CDH2: variants seen among roughly 807,000 people sequenced by gnomAD.
CDH2 encodes cadherin 2.
In CDH2, 17 loss-of-function variants were observed where a neutral mutation model predicts 92.0. The observed-to-expected ratio is 0.18, with a 90% CI of 0.13 to 0.28. CDH2 has a LOEUF of 0.28. Ranked by LOEUF, CDH2 falls within the 10% of genes least tolerant of loss-of-function variation. The pLI is 1.00. For synonymous variants in CDH2, 419 were observed against 415.9 expected, an observed-to-expected ratio of 1.01 and a Z score of -0.09; for missense variants, 862 against 1,133.1, an observed-to-expected ratio of 0.76 and a Z score of 3.44.
chr18:28,014,944 G>A (rs573209014), intron 2 of CDH2, among the ~76,000 whole-genome samples: 158 of 151,952 alleles, frequency 1.0e-3, no homozygotes, highest in Admixed American at 1.7e-3. Context: ...CAAGTAAAGG[G>A]ATCAAATAAA....
chr18:28,027,683 T>C (rs2144074861), intron 2 of CDH2, among the ~76,000 whole-genome samples: 1 of 152,282 alleles, frequency 6.6e-6, no homozygotes, highest in South Asian at 2.1e-4. Flanking sequence ...TTCTCCCTTG[T>C]ATACATTCTA....
chr18:27,962,767 T>C (rs985739132), intron 15 of CDH2, among the ~76,000 whole-genome samples: 1 of 152,238 alleles, frequency 6.6e-6, no homozygotes, highest in Non-Finnish European at 1.5e-5. Flanking sequence ...AATGTCATAA[T>C]AATTTTGACA....
At chr18:28,047,980 G>A (rs2014115095) in intron 2 of CDH2, among the ~76,000 whole-genome samples, 1 of 151,952 alleles carries the variant, frequency 6.6e-6, no homozygotes. Flanking sequence ...AAAAGGGAGG[G>A]GAGCTACAGT....
chr18:28,064,665 TA>T (rs34869452), intron 2 of CDH2, among the ~76,000 whole-genome samples: 3,265 of 139,026 alleles, frequency 0.023, 49 homozygotes, highest in African/African-American at 0.028. Context: ...AAGCCCCAAT[TA>T]AAAAAAAAAA....
chr18:28,124,839 G>C (rs1442485608), intron 2 of CDH2, among the ~76,000 whole-genome samples: 1 of 152,172 alleles, frequency 6.6e-6, no homozygotes, highest in Non-Finnish European at 1.5e-5. Context: ...TCAGCAAGTT[G>C]CTATGCCTCT....
At chr18:28,132,321 C>T (rs528826449) in intron 2 of CDH2, among the ~76,000 whole-genome samples, 3 of 152,336 alleles carry the variant, frequency 2.0e-5, no homozygotes, top group Admixed American at 6.5e-5. Context: ...ATAGGAAAAG[C>T]TTCTGGATTA....
chr18:27,976,015 T>G (rs1228519907), intron 14 of CDH2, among the ~76,000 whole-genome samples: 1 of 152,046 alleles, frequency 6.6e-6, no homozygotes, highest in Admixed American at 6.6e-5. Context: ...AGGGACAGAA[T>G]CGGGGGCAGG....
At chr18:27,940,693 G>A (rs1237758799) in intron 6 of CDH2, among the ~76,000 whole-genome samples, 1 of 152,148 alleles carries the variant, frequency 6.6e-6, no homozygotes, top group Non-Finnish European at 1.5e-5. Flanking sequence ...TAGAGGACTA[G>A]TCACGTGAGA....
intron 2 of CDH2, among the ~76,000 whole-genome samples, chr18:28,027,406 T>C (rs770959915): frequency 1.1e-4 from 17 of 152,092 alleles, no homozygotes; most frequent in Non-Finnish European, 2.2e-4. Flanking sequence ...ACAAAGTCTA[T>C]TAGGAGCTGC....
intron 1 of CDH2, among the ~76,000 whole-genome samples, chr18:28,166,149 C>CATAATATATAT (rs1555648244): frequency 6.7e-5 from 4 of 59,292 alleles, no homozygotes; most frequent in Non-Finnish European, 1.2e-4. Context: ...CAGACACACT[C>CATAATATATAT]ATATATATAT....
intron 6 of CDH2, among the ~76,000 whole-genome samples, chr18:27,934,102 T>C (rs1229124202): frequency 6.6e-6 from 1 of 152,228 alleles, no homozygotes. Flanking sequence ...TAGGATAAAA[T>C]ACACCAAATA....
intron 6 of CDH2, among the ~76,000 whole-genome samples, chr18:28,003,657 A>G (rs903367194): frequency 6.6e-6 from 1 of 152,058 alleles, no homozygotes; most frequent in African/African-American, 2.4e-5. Flanking sequence ...AAAGCAGCAC[A>G]CTCCATTTCC....
rs769242714 is a variant in CDH2 at position 27,988,684 on chromosome 18, A to T, written c.1599-18T>A. 1.9e-6 allele frequency: 3 copies of T among 1,564,376 alleles called. No individual in the cohort carries two copies. The highest frequency in any genetic ancestry group is 2.6e-6 in the Non-Finnish European group (3 of 1,141,196). On this transcript the variant is annotated intron_variant, in intron 10 of 15. Transcript: ENST00000269141. ...TAGTGTATCTACAAAATGAAAGTGA[A>T]GTTTAATTTCTTTTTATGAAACTTT... is the stretch of plus-strand genomic sequence containing the variant.
chr18:28,022,327 T>C (rs1275821820), intron 2 of CDH2, among the ~76,000 whole-genome samples: 1 of 152,048 alleles, frequency 6.6e-6, no homozygotes, highest in Non-Finnish European at 1.5e-5. Context: ...CCATTTTCTT[T>C]ATAGCATATA....
intron 2 of CDH2, among the ~76,000 whole-genome samples, chr18:28,101,452 C>T (rs1208629866): frequency 1.3e-5 from 2 of 152,220 alleles, no homozygotes; most frequent in Non-Finnish European, 1.5e-5. Context: ...AAGTCATCTG[C>T]ACCTGTATTC....
In CDH2 at chr18:28,176,391, C is replaced by A. The variant is rs966936771; in HGVS notation, c.60+572G>T. ...GGACGAACACAGAATATTGTGAGGG[C>A]AAGAGAAGAAGAAAAGGAGGCAACT... On this transcript the variant is annotated intron_variant, in intron 1 of 15. Coordinates refer to ENST00000269141, the MANE Select transcript of CDH2 (RefSeq NM_001792.5). Among the ~76,000 whole-genome samples the A allele has an allele frequency of 4.0e-5, 6 of 151,862 alleles. No individual in the cohort carries two copies. The East Asian group carries it at 1.2e-3, about 30-fold the overall frequency.
chr18:28,135,213 T>C (rs2015842139), intron 2 of CDH2, among the ~76,000 whole-genome samples: 1 of 152,190 alleles, frequency 6.6e-6, no homozygotes, highest in African/African-American at 2.4e-5. Context: ...ATGTAATACA[T>C]TTATAAATAA....
chr18:28,099,642 G>A (rs1019698541), intron 2 of CDH2, among the ~76,000 whole-genome samples: 1 of 152,070 alleles, frequency 6.6e-6, no homozygotes, highest in East Asian at 1.9e-4. Context: ...TTAGGGAGAA[G>A]AGCAGGTAAC....
intron 2 of CDH2, among the ~76,000 whole-genome samples, chr18:28,073,246 C>G (rs556967902): frequency 6.6e-6 from 1 of 151,888 alleles, no homozygotes; most frequent in Non-Finnish European, 1.5e-5. Context: ...ATTTACTGGC[C>G]CAACATGTTT....
Sources: allele counts gnomAD v4.1 joint callset (sites outside exome capture counted in the v4.1 genomes callset), GRCh38; gene constraint gnomAD v4.1.1; transcripts MANE v1.5; gene names NCBI Gene and HGNC (gene_info 2026-07-23, HGNC 2026-07-21).